The following MCMBP variants were observed in gnomAD, a reference collection of about 807,000 sequenced individuals.
MCMBP encodes the protein minichromosome maintenance complex binding protein.
In MCMBP, 31 loss-of-function variants were observed where a neutral mutation model predicts 81.3. That is an observed-to-expected ratio of 0.38 (90% CI 0.29 to 0.51). The LOEUF is 0.51. Among genes scored for constraint, MCMBP ranks in the 20% least tolerant of loss-of-function variants. The probability of loss-of-function intolerance (pLI) is 0.87; values close to 1 mark genes in which losing one functional copy is unlikely to be tolerated. For synonymous variants in MCMBP, 267 were observed against 275.9 expected, an observed-to-expected ratio of 0.97 and a Z score of 0.32; for missense variants, 645 against 772.1, an observed-to-expected ratio of 0.84 and a Z score of 1.95.
At chr10:119,864,456 TG>T (rs762346370) in intron 1 of MCMBP, among the ~76,000 whole-genome samples, 5 of 152,212 alleles carry the variant, frequency 3.3e-5, no homozygotes, top group Admixed American at 6.5e-5. Context: ...CAGTCTACGG[TG>T]GTTATCTCCT....
rs547850810 is a variant in MCMBP, at chr10:119,843,152, G to A, written c.1000+102C>T. ...ACTGAAAACACTTATTGTGAGGAAT[G>A]AAGACCTGACTCTCAATTCCACTAT... On this transcript the variant is annotated intron_variant, in intron 9 of 15. Transcript: ENST00000369077. 3.0e-4 allele frequency: 382 copies of A among 1,276,310 alleles called. 1 individual carries two copies. Among genetic ancestry groups the A allele is most frequent in the Admixed American group, 7.6e-4 (45 of 59,280 alleles). The allele number at this position is 1,276,310 out of a possible 1,614,324, so 79.1% of individuals were successfully genotyped here. A position where few individuals can be genotyped will look rare whatever the true frequency, so the allele number is the denominator to read the frequency against.
upstream of MCMBP, chr10:119,873,343 G>A (rs923522250): frequency 3.9e-5 from 6 of 152,220 alleles, no homozygotes; most frequent in African/African-American, 1.4e-4. Flanking sequence ...CCTGAGGAAG[G>A]TGCACATTTA....
chr10:119,858,005 A>G (rs981832002), intron 4 of MCMBP: 1 of 152,284 alleles, frequency 6.6e-6, no homozygotes, highest in Non-Finnish European at 1.5e-5. Flanking sequence ...CTTACACATG[A>G]TGAACTTCAG....
chr10:119,857,591 A>G (rs1853099423), intron 4 of MCMBP, 152 bp from the exon 5 acceptor site: 1 of 511,518 alleles, frequency 2.0e-6, no homozygotes, highest in South Asian at 2.9e-5. Context: ...ATTACTTTTT[A>G]AAAGAAAATG....
intron 14 of MCMBP, among the ~76,000 whole-genome samples, chr10:119,832,768 C>T (rs1244293121): frequency 6.6e-6 from 1 of 152,140 alleles, no homozygotes; most frequent in African/African-American, 2.4e-5. Context: ...CACCTCTTTC[C>T]CCAGGGCATT....
At position 119,830,517 on chromosome 10, in the gene MCMBP, G is replaced by GAA. The variant is rs1851982579; in HGVS notation, c.*955_*956dup. 2 of 152,154 alleles carry GAA rather than the reference G, an allele frequency of 1.3e-5. No homozygotes were observed. Among genetic ancestry groups the GAA allele is most frequent in the South Asian group, 4.1e-4 (2 of 4,828 alleles). 9.4% of individuals were successfully genotyped at this position (152,154 alleles called of 1,614,324 possible). On this transcript the variant is annotated 3_prime_UTR_variant, in exon 16 of 16. Transcript: ENST00000369077. ...ATCAAAGCAACTCAATGACATTTAA[G>GAA]AAAATAAAAACTTTCTAAAGGGGGT...
At chr10:119,860,030 A>G in intron 1 of MCMBP, 146 bp from the exon 2 acceptor site, 1 of 611,124 alleles carries the variant, frequency 1.6e-6, no homozygotes, top group Admixed American at 2.9e-5. Context: ...GATAGGGTGT[A>G]TTTTATGCTT....
intron 6 of MCMBP, among the ~76,000 whole-genome samples, chr10:119,851,494 TG>T (rs1363615493): frequency 6.6e-6 from 1 of 152,098 alleles, no homozygotes; most frequent in Non-Finnish European, 1.5e-5. Flanking sequence ...TGCAATGGCA[TG>T]ATCTCAGCTC....
chr10:119,830,261 A>T lies in MCMBP; in HGVS notation c.*1213T>A, dbSNP rs1163618925. ...TTATCTGCCTCCAACTAGGTAAGTT[A>T]TTTGATACCACTGACAGCTTAAAAA... On this transcript the variant is annotated 3_prime_UTR_variant, in exon 16 of 16. Coordinates refer to ENST00000369077, the MANE Select transcript of MCMBP (RefSeq NM_001256378.2). 3 of 152,642 alleles carry T rather than the reference A, an allele frequency of 2.0e-5. No individual in the cohort carries two copies. Among genetic ancestry groups the T allele is most frequent in the Non-Finnish European group, 4.4e-5 (3 of 68,044 alleles). 9.5% of individuals were successfully genotyped at this position (152,642 alleles called of 1,614,324 possible). A position where few individuals can be genotyped will look rare whatever the true frequency, so the allele number is the denominator to read the frequency against.
intron 1 of MCMBP, among the ~76,000 whole-genome samples, chr10:119,866,765 C>T (rs1428812616): frequency 6.6e-6 from 1 of 152,050 alleles, no homozygotes; most frequent in Non-Finnish European, 1.5e-5. Flanking sequence ...TTTTTTTGGA[C>T]CAGCCTGAGC....
In MCMBP at chr10:119,848,200, CA is replaced by C. The variant is rs1231881638; in HGVS notation, c.727-488del. Reference sequence around the variant, plus strand: ...AAAAAAACCTTTCAAAATTGTCTGTCATGATGGACTTAGTAATAGTCAAGGC... The same window carrying C: ...AAAAAAACCTTTCAAAATTGTCTGTCTGATGGACTTAGTAATAGTCAAGGC... On this transcript the variant is annotated intron_variant, in intron 7 of 15. Coordinates refer to ENST00000369077, the MANE Select transcript of MCMBP (RefSeq NM_001256378.2). Among the ~76,000 whole-genome samples, 4 of 151,386 alleles carry C rather than the reference CA, an allele frequency of 2.6e-5. No homozygotes were observed. The East Asian group carries it at 7.7e-4, about 29-fold the overall frequency.
At chr10:119,836,501 C>T (rs954056486) in intron 13 of MCMBP, among the ~76,000 whole-genome samples, 1 of 151,848 alleles carries the variant, frequency 6.6e-6, no homozygotes, top group Admixed American at 6.6e-5. Flanking sequence ...AAATAACTAC[C>T]AAGTGACCAA....
At chr10:119,838,370 T>C (rs1852324045) in intron 12 of MCMBP, among the ~76,000 whole-genome samples, 165 bp downstream of exon 12, 1 of 151,612 alleles carries the variant, frequency 6.6e-6, no homozygotes, top group Non-Finnish European at 1.5e-5. Context: ...AGTTGGTGTA[T>C]ATAATTAGTT....
intron 8 of MCMBP, among the ~76,000 whole-genome samples, chr10:119,843,670 A>T (rs1040350347): frequency 2.7e-5 from 4 of 149,470 alleles, no homozygotes; most frequent in Non-Finnish European, 6.0e-5. Flanking sequence ...TTTTATTTTT[A>T]TTTTTTTTTT....
chr10:119,831,407 A>G lies in MCMBP; in HGVS notation c.*67T>C, dbSNP rs143876054. ...TTACCTATAAAACAATGTGGTATAA[A>G]TGAATATCTGAATTTTACAATTATG... is the stretch of plus-strand genomic sequence containing the variant. On this transcript the variant is annotated 3_prime_UTR_variant, in exon 16 of 16. Coordinates refer to ENST00000369077, the MANE Select transcript of MCMBP (RefSeq NM_001256378.2). The G allele has an allele frequency of 6.3e-6, 10 of 1,582,988 alleles. No individual in the cohort carries two copies. In the Admixed American group the frequency reaches 1.2e-4, roughly 19 times the overall value.
chr10:119,871,287 T>C (rs946197048), intron 1 of MCMBP, among the ~76,000 whole-genome samples: 1 of 152,172 alleles, frequency 6.6e-6, no homozygotes, highest in African/African-American at 2.4e-5. Flanking sequence ...ATTACTAGGA[T>C]TTAGTGGAGA....
intron 14 of MCMBP, among the ~76,000 whole-genome samples, chr10:119,834,956 C>G (rs1055725503): frequency 4.7e-5 from 7 of 148,584 alleles, no homozygotes; most frequent in Non-Finnish European, 8.9e-5. Flanking sequence ...TGAAAAGATA[C>G]TAGACAGTAA....
intron 10 of MCMBP, among the ~76,000 whole-genome samples, chr10:119,841,844 G>A (rs928627001): frequency 2.0e-5 from 3 of 152,362 alleles, no homozygotes; most frequent in South Asian, 4.1e-4. Context: ...GCCTTGGGAT[G>A]TATAAACAGA....
At chr10:119,868,405 AAC>A (rs1427262775) in intron 1 of MCMBP, among the ~76,000 whole-genome samples, 3 of 152,218 alleles carry the variant, frequency 2.0e-5, no homozygotes, top group African/African-American at 7.2e-5. Context: ...CACCCTGGGC[AAC>A]AGAGCAAGAC....
Sources: gnomAD v4.1 joint callset for allele counts (sites outside exome capture counted in the v4.1 genomes callset) on GRCh38, gnomAD v4.1.1 for gene constraint, MANE v1.5 for transcripts, NCBI Gene and HGNC (gene_info 2026-07-23, HGNC 2026-07-21) for gene names.